ACSF3: variants seen among roughly 807,000 people sequenced by gnomAD.
ACSF3 encodes the protein acyl-CoA synthetase family member 3, also known as malonate--CoA ligase ACSF3, mitochondrial.
A neutral mutation model predicts 53.2 loss-of-function variants in ACSF3; 78 were observed. The ratio of observed to expected loss-of-function variants is 1.47; its 90% CI spans 1.22 to 1.77. ACSF3 has a LOEUF of 1.77. ACSF3 is among the 40% of genes most tolerant of loss of function. The pLI, the probability that ACSF3 is intolerant of heterozygous loss-of-function variation, is 0.00. For synonymous variants in ACSF3, 414 were observed against 333.1 expected, an observed-to-expected ratio of 1.24 and a Z score of -2.65; for missense variants, 937 against 771.1, an observed-to-expected ratio of 1.22 and a Z score of -2.55.
chr16:89,117,372 A>C (rs9938518), intron 6 of ACSF3, among the ~76,000 whole-genome samples: 5 of 151,878 alleles, frequency 3.3e-5, no homozygotes, highest in African/African-American at 1.2e-4. Flanking sequence ...TGACCTCTTC[A>C]ATGGCCCTCA....
chr16:89,146,086 G>T (rs376662531), intron 10 of ACSF3, 37 bp downstream of exon 10: 2 of 1,472,176 alleles, frequency 1.4e-6, no homozygotes, highest in African/African-American at 1.4e-5. Flanking sequence ...GCACTCATGG[G>T]GTCTTGGGGG....
intron 4 of ACSF3, among the ~76,000 whole-genome samples, chr16:89,107,179 T>A (rs138118500): frequency 4.9e-4 from 75 of 152,292 alleles, no homozygotes; most frequent in South Asian, 6.2e-4. Context: ...CTTTCACGTC[T>A]TGGAAGTGTG....
intron 1 of ACSF3, among the ~76,000 whole-genome samples, chr16:89,096,089 T>G (rs1262079629): frequency 1.3e-5 from 2 of 151,978 alleles, no homozygotes; most frequent in African/African-American, 4.8e-5. Flanking sequence ...AGCCACTGTT[T>G]TCAGTGGTTC....
chr16:89,100,817 G>A lies in ACSF3; in HGVS notation c.136G>A (p.Val46Met). The A allele has an allele frequency of 1.2e-6, 2 of 1,613,142 alleles. No homozygotes were observed. The highest frequency in any genetic ancestry group is 1.7e-6 in the Non-Finnish European group (2 of 1,180,032). Residue 46 changes from valine to methionine, a missense_variant, in exon 3 of 11, where the codon GTG becomes ATG. By Grantham distance (21) the Val-to-Met change is conservative. Coordinates refer to ENST00000614302, the MANE Select transcript of ACSF3 (RefSeq NM_001243279.3). ...GGCCCGCTCGGACAGGAGCGCCCCG[G>A]TGTTCACCCGTGCCCTGGCCTTTGG... Reference protein sequence around the residue: ...PVARSDRSAPVFTRALAFGDR... With the variant: ...PVARSDRSAPMFTRALAFGDR...
At chr16:89,117,165 G>A (rs1457635159) in intron 6 of ACSF3, among the ~76,000 whole-genome samples, 1 of 152,196 alleles carries the variant, frequency 6.6e-6, no homozygotes, top group African/African-American at 2.4e-5. Context: ...GACAAGTTCT[G>A]TGTATTCAGA....
At chr16:89,138,670 G>A (rs2151540791) in intron 8 of ACSF3, among the ~76,000 whole-genome samples, 1 of 152,306 alleles carries the variant, frequency 6.6e-6, no homozygotes, top group Non-Finnish European at 1.5e-5. Context: ...GAGGGACCAT[G>A]TTTTGCTGCC....
At chr16:89,145,440 C>T (rs200025509) in intron 9 of ACSF3, 39 bp downstream of exon 9, 424 of 1,610,948 alleles carry the variant, frequency 2.6e-4, no homozygotes, top group Non-Finnish European at 3.4e-4. Context: ...CCAGGCTAGA[C>T]GGGTGCTGCC....
chr16:89,150,940 A>G (rs1913974406), intron 10 of ACSF3: 3 of 1,246,808 alleles, frequency 2.4e-6, no homozygotes, highest in Non-Finnish European at 2.1e-6. Flanking sequence ...CAAATGTTCC[A>G]ACTGTCTAAT....
intron 6 of ACSF3, among the ~76,000 whole-genome samples, chr16:89,115,690 G>A (rs1280947633): frequency 6.6e-6 from 1 of 152,244 alleles, no homozygotes. Context: ...GTTCTCCAGA[G>A]CGGCTACACC....
chr16:89,106,874 G>A lies in ACSF3; in HGVS notation c.822+4115G>A, dbSNP rs116134915. Among the ~76,000 whole-genome samples, 565 of 152,344 alleles carry A rather than the reference G, an allele frequency of 3.7e-3. 8 individuals are homozygous for A. Among genetic ancestry groups the A allele is most frequent in the African/African-American group, 0.013 (538 of 41,580 alleles). On this transcript the variant is annotated intron_variant, in intron 4 of 10. Transcript: ENST00000614302. ...GCCGTGGGTGTCAGTGCCTGCAGGT[G>A]ACGGATGGGGTTGGGGGAGAGGAGG...
chr16:89,147,271 G>A (rs190946521), intron 10 of ACSF3, among the ~76,000 whole-genome samples: 2 of 97,508 alleles, frequency 2.1e-5, no homozygotes, highest in South Asian at 4.2e-4. Flanking sequence ...GAGTGAGGGA[G>A]GAGGGAGGGG....
chr16:89,138,490 C>T (rs1016703544), intron 8 of ACSF3, among the ~76,000 whole-genome samples: 2 of 152,246 alleles, frequency 1.3e-5, no homozygotes, highest in African/African-American at 4.8e-5. Context: ...GGGTGCCGAC[C>T]AAGGTCAGAG....
rs1475922401 is a variant in ACSF3, at chr16:89,101,158, G to A, written c.477G>A (p.Val159=). 5.6e-6 allele frequency: 9 copies of A among 1,613,356 alleles called. No individual in the cohort carries two copies. Among genetic ancestry groups the A allele is most frequent in the African/African-American group, 1.3e-5 (1 of 74,928 alleles). ...SQEYLELLSP[V]VRKLGVPLLP... ...AGTACCTGGAGCTCCTGAGCCCGGT[G>A]GTCAGGAAGCTGGGGGTCCCGCTGC... Residue 159 remains valine (V), a synonymous_variant, in exon 3 of 11, where the codon GTG becomes GTA. Transcript: ENST00000614302.
intron 6 of ACSF3, among the ~76,000 whole-genome samples, chr16:89,118,685 C>G (rs1486528349): frequency 6.6e-6 from 1 of 152,254 alleles, no homozygotes; most frequent in Middle Eastern, 3.2e-3. Flanking sequence ...TCGTCACACT[C>G]TAATTGGAGG....
chr16:89,131,257 C>G (rs1458439127), intron 7 of ACSF3, among the ~76,000 whole-genome samples: 2 of 149,622 alleles, frequency 1.3e-5, no homozygotes, highest in Admixed American at 1.3e-4. Context: ...TCCCAAGTAG[C>G]TGGGACTACA....
At chr16:89,146,450 C>T (rs989843292) in intron 10 of ACSF3, among the ~76,000 whole-genome samples, 1 of 152,194 alleles carries the variant, frequency 6.6e-6, no homozygotes, top group East Asian at 1.9e-4. Flanking sequence ...CGCCAGGCCA[C>T]AGGCAGCCTG....
chr16:89,094,539 A>G (rs1272390646), intron 1 of ACSF3, among the ~76,000 whole-genome samples: 1 of 152,142 alleles, frequency 6.6e-6, no homozygotes, highest in Non-Finnish European at 1.5e-5. Flanking sequence ...GAGAGAGGGA[A>G]GGTTTAAAGG....
intron 8 of ACSF3, among the ~76,000 whole-genome samples, chr16:89,138,740 G>T (rs1280316111): frequency 6.6e-6 from 1 of 152,252 alleles, no homozygotes; most frequent in Non-Finnish European, 1.5e-5. Context: ...CCTCCTGCAA[G>T]ATGCCCTTCT....
chr16:89,152,490 C>G (rs1239144648), intron 10 of ACSF3: 1 of 152,230 alleles, frequency 6.6e-6, no homozygotes, highest in Non-Finnish European at 1.5e-5. Context: ...CGCCTGTAGT[C>G]CCAGCTAGTT....
Sources: gnomAD v4.1 joint callset for allele counts (sites outside exome capture counted in the v4.1 genomes callset) on GRCh38, gnomAD v4.1.1 for gene constraint, MANE v1.5 for transcripts, NCBI Gene and HGNC (gene_info 2026-07-23, HGNC 2026-07-21) for gene names.